Variants in MARCHF1 observed in about 807,000 individuals in gnomAD.
MARCHF1 encodes E3 ubiquitin-protein ligase MARCHF1.
In MARCHF1, 40 loss-of-function variants were observed where a neutral mutation model predicts 54.2. That is an observed-to-expected ratio of 0.74 (90% CI 0.57 to 0.96). MARCHF1 has a LOEUF of 0.96. MARCHF1 is among the 40% of genes least tolerant of loss of function. The pLI is 0.00. For missense variants in MARCHF1, 586 were observed against 656.5 expected (o/e 0.89, Z 1.17); for synonymous variants, 236 against 236.3 (o/e 1.00, Z 0.01).
chr4:164,029,226 A>G (rs1753828669), intron 2 of MARCHF1, among the ~76,000 whole-genome samples: 1 of 152,188 alleles, frequency 6.6e-6, no homozygotes, highest in Non-Finnish European at 1.5e-5. Context: ...CTATACAGGA[A>G]GCACATAATG....
intron 5 of MARCHF1, among the ~76,000 whole-genome samples, chr4:163,658,872 A>G (rs1197595649): frequency 6.6e-6 from 1 of 151,908 alleles, no homozygotes; most frequent in African/African-American, 2.4e-5. Flanking sequence ...ATGGGTTGAT[A>G]GGTGCAGCAA....
intron 4 of MARCHF1, among the ~76,000 whole-genome samples, chr4:163,818,738 G>A (rs78121193): frequency 0.038 from 5,846 of 151,896 alleles, 462 homozygotes; most frequent in East Asian, 0.28. Flanking sequence ...TTGACCTCTC[G>A]TTTGTCTCTA....
At chr4:163,837,469 A>G (rs959249795) in intron 4 of MARCHF1, among the ~76,000 whole-genome samples, 8 of 152,188 alleles carry the variant, frequency 5.3e-5, no homozygotes, top group African/African-American at 1.9e-4. Flanking sequence ...AATGACAGAG[A>G]AAAATGTGTT....
chr4:164,118,345 A>G (rs1345181656), intron 1 of MARCHF1, among the ~76,000 whole-genome samples: 2 of 151,512 alleles, frequency 1.3e-5, no homozygotes, highest in Non-Finnish European at 2.9e-5. Flanking sequence ...TAACAAAAAA[A>G]TTAAAACTGA....
intron 2 of MARCHF1, among the ~76,000 whole-genome samples, chr4:164,028,419 C>T (rs1753813854): frequency 6.6e-6 from 1 of 152,008 alleles, no homozygotes; most frequent in South Asian, 2.1e-4. Context: ...ATATTCTTTC[C>T]AGCAACACAA....
intron 3 of MARCHF1, among the ~76,000 whole-genome samples, chr4:163,948,955 T>C (rs1173021667): frequency 6.6e-6 from 1 of 152,208 alleles, no homozygotes; most frequent in African/African-American, 2.4e-5. Flanking sequence ...CAAGGAGCCA[T>C]CTGACCCATA....
intron 2 of MARCHF1, among the ~76,000 whole-genome samples, chr4:164,078,497 T>C (rs1172674307): frequency 6.6e-6 from 1 of 152,004 alleles, no homozygotes; most frequent in African/African-American, 2.4e-5. Flanking sequence ...CTGCATGTTC[T>C]GCACATGTAC....
chr4:163,968,801 A>G (rs1296702319), intron 3 of MARCHF1, among the ~76,000 whole-genome samples: 3 of 152,122 alleles, frequency 2.0e-5, no homozygotes, highest in Non-Finnish European at 2.9e-5. Context: ...CTGAAGTGCA[A>G]TACGCCCTGG....
chr4:163,646,757 A>G (rs1742775130), intron 5 of MARCHF1, among the ~76,000 whole-genome samples: 1 of 152,122 alleles, frequency 6.6e-6, no homozygotes, highest in Non-Finnish European at 1.5e-5. Flanking sequence ...CTTAAAACCT[A>G]TAGCAGATAC....
At chr4:163,727,957 G>A (rs1244501637) in intron 4 of MARCHF1, among the ~76,000 whole-genome samples, 2 of 152,148 alleles carry the variant, frequency 1.3e-5, no homozygotes, top group Non-Finnish European at 2.9e-5. Context: ...AAAGTGCTGG[G>A]ATTACAAGCA....
Position 163,854,127 on chromosome 4 carries a change from A to T in MARCHF1, c.5T>A (p.Leu2Gln). ...ACGGGCTATCGCTTCACACCAGCCC[A>T]GCATTTTCTCCTTCCTCTTATCCCT... Reference protein sequence around the residue: MLGWCEAIARNP... With the variant: MQGWCEAIARNP... The change falls in exon 4 of 10, where the codon CTG becomes CAG. Residue 2 changes from leucine (L) to glutamine (Q), a missense_variant. Coordinates refer to ENST00000514618, the MANE Select transcript of MARCHF1 (RefSeq NM_001394959.1). The T allele has an allele frequency of 6.5e-7, 1 of 1,534,318 alleles. No individual in the cohort carries two copies. The highest frequency in any genetic ancestry group is 8.7e-7 in the Non-Finnish European group (1 of 1,145,302).
chr4:163,945,269 C>T (rs1383886299), intron 3 of MARCHF1, among the ~76,000 whole-genome samples: 1 of 151,948 alleles, frequency 6.6e-6, no homozygotes, highest in East Asian at 1.9e-4. Context: ...TTCATAAAAC[C>T]TTACAAATTA....
chr4:163,994,257 AGTGT>A (rs769035806), intron 2 of MARCHF1, among the ~76,000 whole-genome samples: 6,918 of 137,020 alleles, frequency 0.05, 240 homozygotes, highest in Admixed American at 0.094. Context: ...ATAGAGAAAA[AGTGT>A]GTGTGTGTGT....
chr4:164,381,479 T>A (rs1343832410), intron 1 of MARCHF1, among the ~76,000 whole-genome samples: 2 of 152,192 alleles, frequency 1.3e-5, no homozygotes, highest in African/African-American at 4.8e-5. Flanking sequence ...ATTAAAGATT[T>A]CATACATAAA....
chr4:164,241,163 C>G (rs764969287), intron 1 of MARCHF1, among the ~76,000 whole-genome samples: 1 of 152,106 alleles, frequency 6.6e-6, no homozygotes, highest in African/African-American at 2.4e-5. Context: ...ACCCCCTCAC[C>G]CAGAAACTGA....
At chr4:163,714,359 A>G (rs1400175095) in intron 4 of MARCHF1, among the ~76,000 whole-genome samples, 1 of 152,200 alleles carries the variant, frequency 6.6e-6, no homozygotes. Flanking sequence ...ATCTTACTGC[A>G]CTCGAACTTC....
chr4:163,998,395 G>C (rs530021781), intron 2 of MARCHF1, among the ~76,000 whole-genome samples: 34 of 151,566 alleles, frequency 2.2e-4, no homozygotes, highest in African/African-American at 8.0e-4. Flanking sequence ...TAATACTCAT[G>C]TTAATTAATA....
At chr4:164,089,189 A>G (rs1240272895) in intron 2 of MARCHF1, among the ~76,000 whole-genome samples, 1 of 152,164 alleles carries the variant, frequency 6.6e-6, no homozygotes, top group African/African-American at 2.4e-5. Context: ...ACACTAAATA[A>G]CAAAATATGA....
intron 4 of MARCHF1, among the ~76,000 whole-genome samples, chr4:163,769,044 C>T (rs563424312): frequency 6.6e-6 from 1 of 152,188 alleles, no homozygotes; most frequent in East Asian, 1.9e-4. Context: ...CCTTAGTTAG[C>T]AAAAGACTAT....
Sources: allele counts gnomAD v4.1 joint callset (sites outside exome capture counted in the v4.1 genomes callset), GRCh38; gene constraint gnomAD v4.1.1; transcripts MANE v1.5; gene names NCBI Gene and HGNC (gene_info 2026-07-23, HGNC 2026-07-21).